The following TMEM260 variants were observed in gnomAD, a reference collection of about 807,000 sequenced individuals.
The protein encoded by TMEM260 is protein O-mannosyl-transferase TMEM260.
TMEM260 carries 82 observed loss-of-function variants against 88.9 expected under a neutral mutation model. That is an observed-to-expected ratio of 0.92 (90% CI 0.77 to 1.11). The LOEUF (loss-of-function observed/expected upper bound fraction) is 1.11, where lower values mean the gene tolerates loss of function less well. Among genes scored for constraint, TMEM260 ranks in the 50% least tolerant of loss-of-function variants. The pLI, the probability that TMEM260 is intolerant of heterozygous loss-of-function variation, is 0.00. For missense variants in TMEM260, 902 were observed against 853.4 expected (o/e 1.06, Z -0.71); for synonymous variants, 314 against 309.3 (o/e 1.02, Z -0.16).
At position 56,623,793 on chromosome 14, in the gene TMEM260, A is replaced by G. The variant is rs528464500; in HGVS notation, c.1399-1589A>G. Among the ~76,000 whole-genome samples, 4 of 152,316 alleles carry G rather than the reference A, an allele frequency of 2.6e-5. No individual in the cohort carries two copies. In the South Asian group the frequency reaches 6.2e-4, roughly 24 times the overall value. ...TATTTTTTGAGTATTTACAGTTTAG[A>G]CTTAGATTAAAATTAATTTGTCATT... On this transcript the variant is annotated intron_variant, in intron 11 of 15. Transcript: ENST00000261556.
chr14:56,637,026 G>C (rs780101685), intron 15 of TMEM260, among the ~76,000 whole-genome samples: 5 of 152,182 alleles, frequency 3.3e-5, no homozygotes, highest in African/African-American at 4.8e-5. Context: ...AGGGCAGAGA[G>C]AGAGAAACTT....
intron 15 of TMEM260, among the ~76,000 whole-genome samples, chr14:56,646,434 G>A (rs1889971172): frequency 6.6e-6 from 1 of 152,208 alleles, no homozygotes; most frequent in Admixed American, 6.5e-5. Flanking sequence ...CAAGAAAGCT[G>A]TGAGATTCCC....
At chr14:56,582,374 G>C (rs949132156) in intron 1 of TMEM260, among the ~76,000 whole-genome samples, 1 of 152,106 alleles carries the variant, frequency 6.6e-6, no homozygotes, top group Non-Finnish European at 1.5e-5. Context: ...GTAGGAATCT[G>C]GCCTTCACTA....
intron 11 of TMEM260, among the ~76,000 whole-genome samples, chr14:56,623,427 G>A (rs1198472322): frequency 6.6e-6 from 1 of 152,004 alleles, no homozygotes; most frequent in Non-Finnish European, 1.5e-5. Flanking sequence ...AATAACATGT[G>A]CCCCAGAAGC....
intron 3 of TMEM260, among the ~76,000 whole-genome samples, chr14:56,601,932 A>G (rs1215193589): frequency 2.0e-5 from 3 of 152,154 alleles, no homozygotes; most frequent in Non-Finnish European, 4.4e-5. Context: ...TGGCTCTAGA[A>G]TCAGCCATTT....
chr14:56,611,256 G>A (rs573410029), intron 6 of TMEM260, among the ~76,000 whole-genome samples: 106 of 152,122 alleles, frequency 7.0e-4, no homozygotes, highest in Admixed American at 8.5e-4. Context: ...GTGAGCCACC[G>A]CACCCAGCCT....
intron 12 of TMEM260, 109 bp downstream of exon 12, chr14:56,625,639 C>T: frequency 1.3e-6 from 1 of 751,744 alleles, no homozygotes; most frequent in Admixed American, 3.0e-5. Context: ...TGCCTATTTC[C>T]CTGTCACTGG....
chr14:56,638,542 T>A (rs960165866), intron 15 of TMEM260, among the ~76,000 whole-genome samples: 1 of 152,166 alleles, frequency 6.6e-6, no homozygotes, highest in African/African-American at 2.4e-5. Flanking sequence ...TTATTGTCCC[T>A]TTGGGTCAGA....
chr14:56,602,952 A>G (rs901481408), intron 3 of TMEM260, among the ~76,000 whole-genome samples: 1 of 152,188 alleles, frequency 6.6e-6, no homozygotes, highest in East Asian at 1.9e-4. Flanking sequence ...ATTTTCTAAC[A>G]CTATTAGAAA....
intron 3 of TMEM260, among the ~76,000 whole-genome samples, chr14:56,602,033 G>A (rs1261037163): frequency 6.6e-6 from 1 of 152,086 alleles, no homozygotes; most frequent in Admixed American, 6.6e-5. Context: ...ATGAAACATA[G>A]AAGTTCCTTT....
At chr14:56,624,401 C>A (rs1566560475) in intron 11 of TMEM260, among the ~76,000 whole-genome samples, 1 of 152,092 alleles carries the variant, frequency 6.6e-6, no homozygotes, top group East Asian at 1.9e-4. Context: ...TGGTGAAACC[C>A]CGTGTCTATC....
At chr14:56,595,501 C>G in intron 3 of TMEM260, among the ~76,000 whole-genome samples, 1 of 152,024 alleles carries the variant, frequency 6.6e-6, no homozygotes, top group East Asian at 1.9e-4. Flanking sequence ...TTTTTGGAGT[C>G]AAGGATATCA....
At chr14:56,588,287 GT>G in intron 3 of TMEM260, among the ~76,000 whole-genome samples, 1 of 151,892 alleles carries the variant, frequency 6.6e-6, no homozygotes, top group East Asian at 1.9e-4. Context: ...ACAGGTTTAG[GT>G]TTTTTTCAGG....
chr14:56,652,977 T>G (rs1204578628), downstream of TMEM260, among the ~76,000 whole-genome samples: 1 of 152,148 alleles, frequency 6.6e-6, no homozygotes, highest in Non-Finnish European at 1.5e-5. Flanking sequence ...TGACCAGCTT[T>G]TTCATAATGA....
rs769421400 is a variant in TMEM260, at chr14:56,605,717, TA to T, written c.636+35del. The T allele has an allele frequency of 1.4e-4, 183 of 1,277,618 alleles. 1 individual carries two copies. The highest frequency in any genetic ancestry group is 1.1e-3 in the South Asian group (82 of 76,068). 79.1% of individuals were successfully genotyped at this position (1,277,618 alleles called of 1,614,324 possible). A position where few individuals can be genotyped will look rare whatever the true frequency, so the allele number is the denominator to read the frequency against. On this transcript the variant is annotated intron_variant, in intron 5 of 15. Transcript: ENST00000261556. Reference sequence around the variant, plus strand: ...TTGAATTTTGTAAAAAAAAGTACAATATTTTACTTAGGTCTAATATAACATT... The same window carrying T: ...TTGAATTTTGTAAAAAAAAGTACAATTTTTACTTAGGTCTAATATAACATT...
At chr14:56,623,910 A>G (rs1888081464) in intron 11 of TMEM260, among the ~76,000 whole-genome samples, 1 of 152,212 alleles carries the variant, frequency 6.6e-6, no homozygotes. Flanking sequence ...GGTGGTGTTA[A>G]TGGGAGTCTC....
intron 12 of TMEM260, among the ~76,000 whole-genome samples, chr14:56,628,478 C>T (rs938254378): frequency 6.6e-5 from 10 of 152,066 alleles, no homozygotes; most frequent in Admixed American, 4.6e-4. Flanking sequence ...TTGCCTAATG[C>T]CAGATCACAA....
chr14:56,652,277 C>CT (rs1890219882), downstream of TMEM260, among the ~76,000 whole-genome samples: 2 of 152,074 alleles, frequency 1.3e-5, no homozygotes, highest in Non-Finnish European at 2.9e-5. Context: ...GGGTGGACCG[C>CT]TTGAGTCCGA....
intron 14 of TMEM260, among the ~76,000 whole-genome samples, chr14:56,636,288 T>TAAAATATTTGGTCATTA (rs1889063061): frequency 6.6e-6 from 1 of 152,176 alleles, no homozygotes; most frequent in Non-Finnish European, 1.5e-5. Flanking sequence ...GCTTTTTTTC[T>TAAAATATTTGGTCATTA]AAAATATTTG....
Sources: allele counts gnomAD v4.1 joint callset (sites outside exome capture counted in the v4.1 genomes callset), GRCh38; gene constraint gnomAD v4.1.1; transcripts MANE v1.5; gene names NCBI Gene and HGNC (gene_info 2026-07-23, HGNC 2026-07-21).